The following EID3 variants were observed in gnomAD, a reference collection of about 807,000 sequenced individuals.
EID3 encodes the protein EP300 interacting inhibitor of differentiation 3.
EID3 carries 3 observed loss-of-function variants against 1.6 expected under a neutral mutation model. That is an observed-to-expected ratio of 1.87 (90% confidence interval 0.85 to 4.83). The LOEUF (loss-of-function observed/expected upper bound fraction) is 4.83, where lower values mean the gene tolerates loss of function less well. Ranked by LOEUF, EID3 falls within the 30% of genes most tolerant of loss-of-function variation. EID3 has a pLI of 0.02. For missense variants in EID3, 471 were observed against 409.9 expected (o/e 1.15, Z -1.29); for synonymous variants, 164 against 148.1 (o/e 1.11, Z -0.78).
Position 104,304,543 on chromosome 12 carries a change from A to G in EID3, c.609A>G (p.Thr203=), listed in dbSNP as rs371354192. 172 of 1,614,066 alleles carry G rather than the reference A, an allele frequency of 1.1e-4. 1 individual carries two copies. The African/African-American group carries it at 1.5e-3, about 14-fold the overall frequency. Residue 203 remains threonine (T), a synonymous_variant, in exon 1 of 1, where the codon ACA becomes ACG. Coordinates refer to ENST00000527879, the MANE Select transcript of EID3 (RefSeq NM_001008394.3). ...RKMEENGNMP[T]KLQKLDLSSY... ...TGGAAGAAAATGGCAACATGCCTAC[A>G]AAGTTGCAGAAGTTGGACCTGAGTA...
Position 104,304,041 on chromosome 12 carries a change from A to C in EID3, c.107A>C (p.Lys36Thr), listed in dbSNP as rs2034769239. ...KLLELTADEE[K>T]CRSIRRQYRQ... is the part of the protein sequence containing the mutation. ...CTGGAGCTCACCGCTGACGAGGAGA[A>C]GTGCCGCAGCATCCGCAGGCAGTAC... The change falls in exon 1 of 1, where the codon AAG (lysine) becomes ACG (threonine). Residue 36 changes from lysine to threonine, a missense_variant. Physicochemically the swap from Lys to Thr is moderately conservative, Grantham distance 78. Coordinates refer to ENST00000527879, the MANE Select transcript of EID3 (RefSeq NM_001008394.3). 1.2e-6 allele frequency: 2 copies of C among 1,613,472 alleles called. No individual in the cohort carries two copies. The highest frequency in any genetic ancestry group is 1.3e-5 in the African/African-American group (1 of 74,938).
In EID3 at chr12:104,303,804, A is replaced by C; in HGVS notation, c.-131A>C. On this transcript the variant is annotated 5_prime_UTR_variant, in exon 1 of 1. Coordinates refer to ENST00000527879, the MANE Select transcript of EID3 (RefSeq NM_001008394.3). ...CACGCTGGGAGGGCCGTTACCTCAGAGATACCCGTGGCCGGCATGTTGGTT... is the reference window on the plus strand; with the variant it reads ...CACGCTGGGAGGGCCGTTACCTCAGCGATACCCGTGGCCGGCATGTTGGTT... The C allele has an allele frequency of 7.3e-7, 1 of 1,374,834 alleles. No homozygotes were observed. The highest frequency in any genetic ancestry group is 9.6e-7 in the Non-Finnish European group (1 of 1,045,604). The allele number at this position is 1,374,834 out of a possible 1,614,324, so 85.2% of individuals were successfully genotyped here. A position where few individuals can be genotyped will look rare whatever the true frequency, so the allele number is the denominator to read the frequency against.
chr12:104,303,793 C>G lies in EID3; in HGVS notation c.-142C>G. 1 of 1,308,976 alleles carries G rather than the reference C, an allele frequency of 7.6e-7. No individual in the cohort carries two copies. Among genetic ancestry groups the G allele is most frequent in the Non-Finnish European group, 1.0e-6 (1 of 990,296 alleles). The allele number at this position is 1,308,976 out of a possible 1,614,324, so 81.1% of individuals were successfully genotyped here. On this transcript the variant is annotated 5_prime_UTR_variant, in exon 1 of 1. Coordinates refer to ENST00000527879, the MANE Select transcript of EID3 (RefSeq NM_001008394.3). ...GCCACTTTCCACACGCTGGGAGGGC[C>G]GTTACCTCAGAGATACCCGTGGCCG...
Position 104,304,631 on chromosome 12 carries a change from C to A in EID3, c.697C>A (p.Arg233=). ...RILGLLQTYF[R]KYPDTPVSYF... Reference sequence around the variant, plus strand: ...TTTGGGATTGTTGCAAACCTACTTTCGAAAGTATCCTGATACTCCTGTGTC... The same window carrying A: ...TTTGGGATTGTTGCAAACCTACTTTAGAAAGTATCCTGATACTCCTGTGTC... The change falls in exon 1 of 1, where the codon CGA becomes AGA. Residue 233 remains arginine, a synonymous_variant. Coordinates refer to ENST00000527879, the MANE Select transcript of EID3 (RefSeq NM_001008394.3). 6.2e-7 allele frequency: 1 copy of A among 1,613,866 alleles called. No homozygotes were observed. Among genetic ancestry groups the A allele is most frequent in the Non-Finnish European group, 8.5e-7 (1 of 1,179,794 alleles).
rs1565889004 is a variant in EID3, at chr12:104,304,055, CG to C, written c.122del (p.Arg41ProfsTer19). On this transcript the variant is annotated frameshift_variant, in exon 1 of 1. Coordinates refer to ENST00000527879, the MANE Select transcript of EID3 (RefSeq NM_001008394.3). LOFTEE classifies it low-confidence loss of function (END_TRUNC). ...TGACGAGGAGAAGTGCCGCAGCATC[CG>C]CAGGCAGTACCGGCAGCTCATGTAC... ...TADEEKCRSIRRQYRQLMYCV... is the reference protein window; with the variant it reads ...TADEEKCRSIXRQYRQLMYCV... 1 of 1,613,818 alleles carries C rather than the reference CG, an allele frequency of 6.2e-7. No homozygotes were observed. Among genetic ancestry groups the C allele is most frequent in the Admixed American group, 1.7e-5 (1 of 60,018 alleles).
chr12:104,304,302 T>G lies in EID3; in HGVS notation c.368T>G (p.Leu123Arg). The change falls in exon 1 of 1, where the codon CTG becomes CGG. Residue 123 changes from leucine (L) to arginine (R), a missense_variant. Transcript: ENST00000527879. ...FFNQLAFCDF[L>R]FLFVGLNWME... ...AATCAGTTAGCATTTTGTGACTTTC[T>G]GTTTCTGTTCGTGGGTCTGAATTGG... The G allele has an allele frequency of 7.4e-6, 12 of 1,614,078 alleles. No individual in the cohort carries two copies. The highest frequency in any genetic ancestry group is 1.0e-5 in the Non-Finnish European group (12 of 1,179,900).
At position 104,304,178 on chromosome 12, in the gene EID3, C is replaced by G; in HGVS notation, c.244C>G (p.Arg82Gly). The stretch of plus-strand genomic sequence containing the variant: ...CAACGTCCTCTTTGATGGCGTGAGC[C>G]GAACCAGAGAAGCAGCCCTCGACGC... ...EANVLFDGVS[R>G]TREAALDARF... Residue 82 changes from arginine (R) to glycine (G), a missense_variant, in exon 1 of 1, where the codon CGA becomes GGA. Arg to Gly is a moderately radical substitution (Grantham distance 125). Transcript: ENST00000527879. 2 of 1,614,020 alleles carry G rather than the reference C, an allele frequency of 1.2e-6. No individual in the cohort carries two copies. The highest frequency in any genetic ancestry group is 1.7e-6 in the Non-Finnish European group (2 of 1,179,902).
Position 104,304,007 on chromosome 12 carries a change from C to T in EID3, c.73C>T (p.Pro25Ser), listed in dbSNP as rs201067698. 3.3e-4 allele frequency: 533 copies of T among 1,611,176 alleles called. 2 individuals carry two copies. Among genetic ancestry groups the T allele is most frequent in the Middle Eastern group, 1.7e-4 (1 of 5,934 alleles). ...DLSSGEADVDPKLLELTADEE... is the reference protein window; with the variant it reads ...DLSSGEADVDSKLLELTADEE... The stretch of plus-strand genomic sequence containing the variant: ...CAGCTCTGGGGAGGCCGACGTAGAC[C>T]CAAAGCTCCTGGAGCTCACCGCTGA... The change falls in exon 1 of 1, where the codon CCA (proline) becomes TCA (serine). Residue 25 changes from proline to serine, a missense_variant. By Grantham distance (74) the Pro-to-Ser change is moderately conservative (BLOSUM62 -1). Transcript: ENST00000527879.
In EID3 at chr12:104,303,992, G is replaced by T. The variant is rs1208425847; in HGVS notation, c.58G>T (p.Glu20Ter). The change falls in exon 1 of 1, where the codon GAG becomes TAG. Residue 20 changes from glutamate to a stop codon, truncating the protein, a stop_gained. Coordinates refer to ENST00000527879, the MANE Select transcript of EID3 (RefSeq NM_001008394.3). LOFTEE classifies it low-confidence loss of function (END_TRUNC). ...CTGCTCCGACGACCTCAGCTCTGGGGAGGCCGACGTAGACCCAAAGCTCCT... is the reference window on the plus strand; with the variant it reads ...CTGCTCCGACGACCTCAGCTCTGGGTAGGCCGACGTAGACCCAAAGCTCCT... ...AGCSDDLSSG[E>*]ADVDPKLLEL... The T allele has an allele frequency of 1.2e-6, 2 of 1,609,122 alleles. No individual in the cohort carries two copies. Among genetic ancestry groups the T allele is most frequent in the Non-Finnish European group, 8.5e-7 (1 of 1,179,800 alleles).
Position 104,303,900 on chromosome 12 carries a change from A to T in EID3, c.-35A>T. ...CTCGTGATCATCCCCGGTAGCGAGTACGCGGCGAAGTAGGCGGCGGCGGAG... is the reference window on the plus strand; with the variant it reads ...CTCGTGATCATCCCCGGTAGCGAGTTCGCGGCGAAGTAGGCGGCGGCGGAG... On this transcript the variant is annotated 5_prime_UTR_variant, in exon 1 of 1. Transcript: ENST00000527879. The T allele has an allele frequency of 6.5e-7, 1 of 1,546,832 alleles. No homozygotes were observed.
chr12:104,303,932 C>T lies in EID3; in HGVS notation c.-3C>T, dbSNP rs751458754. The T allele has an allele frequency of 1.9e-6, 3 of 1,584,248 alleles. No individual in the cohort carries two copies. Among genetic ancestry groups the T allele is most frequent in the Non-Finnish European group, 2.6e-6 (3 of 1,169,576 alleles). On this transcript the variant is annotated 5_prime_UTR_variant, in exon 1 of 1. Transcript: ENST00000527879. ...GAAGTAGGCGGCGGCGGAGGGAGCG[C>T]TGATGAAGATGGATGTGTCAGTGAG...
rs1195837271 is a variant in EID3, at chr12:104,304,434, C to T, written c.500C>T (p.Thr167Ile). 1 of 1,613,882 alleles carries T rather than the reference C, an allele frequency of 6.2e-7. No homozygotes were observed. Among genetic ancestry groups the T allele is most frequent in the African/African-American group, 1.3e-5 (1 of 74,910 alleles). ...ACATCCTGGATGGTAAAAGCTGAGA[C>T]ATTCCATTTTGTTTTTGGTTCATTC... ...EATSWMVKAE[T>I]FHFVFGSFKL... The change falls in exon 1 of 1, where the codon ACA becomes ATA. Residue 167 changes from threonine (T) to isoleucine (I), a missense_variant. Thr to Ile is a moderately conservative substitution (Grantham distance 89, BLOSUM62 -1). Coordinates refer to ENST00000527879, the MANE Select transcript of EID3 (RefSeq NM_001008394.3).
chr12:104,304,686 C>CT lies in EID3; in HGVS notation c.757dup (p.Ser253PhefsTer24). 6.2e-7 allele frequency: 1 copy of CT among 1,613,934 alleles called. No individual in the cohort carries two copies. Among genetic ancestry groups the CT allele is most frequent in the Non-Finnish European group, 8.5e-7 (1 of 1,179,872 alleles). On this transcript the variant is annotated frameshift_variant, in exon 1 of 1. Transcript: ENST00000527879. LOFTEE classifies it low-confidence loss of function (END_TRUNC). ...TTTGAGTTTGTGATTGATCCAAACT[C>CT]TTTTTCTCGTACTGTGGAGAATATA...
rs375418978 is a variant in EID3 at position 104,304,299 on chromosome 12, T to G, written c.365T>G (p.Phe122Cys). 4 of 1,614,062 alleles carry G rather than the reference T, an allele frequency of 2.5e-6. No individual in the cohort carries two copies. Among genetic ancestry groups the G allele is most frequent in the Admixed American group, 1.7e-5 (1 of 60,030 alleles). Residue 122 changes from phenylalanine to cysteine, a missense_variant, in exon 1 of 1, where the codon TTT becomes TGT. By Grantham distance (205) the Phe-to-Cys change is radical. Coordinates refer to ENST00000527879, the MANE Select transcript of EID3 (RefSeq NM_001008394.3). ...NFFNQLAFCD[F>C]LFLFVGLNWM... ...TTTAATCAGTTAGCATTTTGTGACT[T>G]TCTGTTTCTGTTCGTGGGTCTGAAT...
chr12:104,303,841 C>A lies in EID3; in HGVS notation c.-94C>A. The stretch of plus-strand genomic sequence containing the variant: ...CCGGCATGTTGGTTGAAAAAGCTTC[C>A]CGGAAGGGAGACGAAGAGAAAGGAG... On this transcript the variant is annotated 5_prime_UTR_variant, in exon 1 of 1. Transcript: ENST00000527879. 1 of 1,438,696 alleles carries A rather than the reference C, an allele frequency of 7.0e-7. No individual in the cohort carries two copies. The allele number at this position is 1,438,696 out of a possible 1,614,324, so 89.1% of individuals were successfully genotyped here.
At position 104,304,013 on chromosome 12, in the gene EID3, C is replaced by A. The variant is rs1318459962; in HGVS notation, c.79C>A (p.Leu27Ile). Residue 27 changes from leucine (L) to isoleucine (I), a missense_variant, in exon 1 of 1, where the codon CTC becomes ATC. By Grantham distance (5) the Leu-to-Ile change is conservative (BLOSUM62 2). Coordinates refer to ENST00000527879, the MANE Select transcript of EID3 (RefSeq NM_001008394.3). Reference sequence around the variant, plus strand: ...TGGGGAGGCCGACGTAGACCCAAAGCTCCTGGAGCTCACCGCTGACGAGGA... The same window carrying A: ...TGGGGAGGCCGACGTAGACCCAAAGATCCTGGAGCTCACCGCTGACGAGGA... ...SSGEADVDPK[L>I]LELTADEEKC... 1.2e-6 allele frequency: 2 copies of A among 1,611,938 alleles called. No homozygotes were observed.
At position 104,304,650 on chromosome 12, in the gene EID3, C is replaced by T. The variant is rs770156613; in HGVS notation, c.716C>T (p.Pro239Leu). The change falls in exon 1 of 1, where the codon CCT (proline) becomes CTT (leucine). Residue 239 changes from proline to leucine, a missense_variant. By Grantham distance (98) the Pro-to-Leu change is moderately conservative. Transcript: ENST00000527879. ...TACTTTCGAAAGTATCCTGATACTC[C>T]TGTGTCCTATTTTGAGTTTGTGATT... is the stretch of plus-strand genomic sequence containing the variant. ...QTYFRKYPDT[P>L]VSYFEFVIDP... is the part of the protein sequence containing the mutation. 1 of 1,613,894 alleles carries T rather than the reference C, an allele frequency of 6.2e-7. No homozygotes were observed. Among genetic ancestry groups the T allele is most frequent in the East Asian group, 2.2e-5 (1 of 44,882 alleles).
rs542710576 is a variant in EID3, at chr12:104,303,961, C to T, written c.27C>T (p.Ala9=). Residue 9 remains alanine, a synonymous_variant, in exon 1 of 1, where the codon GCC becomes GCT. Coordinates refer to ENST00000527879, the MANE Select transcript of EID3 (RefSeq NM_001008394.3). ...TGAAGATGGATGTGTCAGTGAGGGC[C>T]GCGGGCTGCTCCGACGACCTCAGCT... MKMDVSVR[A]AGCSDDLSSG... 11 of 1,602,312 alleles carry T rather than the reference C, an allele frequency of 6.9e-6. No homozygotes were observed. The East Asian group carries it at 8.9e-5, about 13-fold the overall frequency.
Position 104,305,153 on chromosome 12 carries a change from T to G in EID3, c.*217T>G, listed in dbSNP as rs2034848406. 1 of 463,460 alleles carries G rather than the reference T, an allele frequency of 2.2e-6. No individual in the cohort carries two copies. The highest frequency in any genetic ancestry group is 3.8e-6 in the Non-Finnish European group (1 of 264,844). The allele number at this position is 463,460 out of a possible 1,614,324, so 28.7% of individuals were successfully genotyped here. ...ATTCACTGGCATATTTATGGGAACG[T>G]TTTATTGAATGCCCTTTAAGACTAT... On this transcript the variant is annotated 3_prime_UTR_variant, in exon 1 of 1. Transcript: ENST00000527879.
Sources: gnomAD v4.1 joint callset for allele counts on GRCh38, gnomAD v4.1.1 for gene constraint, MANE v1.5 for transcripts, NCBI Gene and HGNC (gene_info 2026-07-23, HGNC 2026-07-21) for gene names.